The following CALN1 variants were observed in gnomAD, a reference collection of about 807,000 sequenced individuals.
The protein encoded by CALN1 is calcium-binding protein 8.
CALN1 carries 17 observed loss-of-function variants against 30.6 expected under a neutral mutation model. The observed-to-expected ratio is 0.56, with a 90% CI of 0.38 to 0.83. The LOEUF (loss-of-function observed/expected upper bound fraction) is 0.83. Among genes scored for constraint, CALN1 ranks in the 40% least tolerant of loss-of-function variants. The pLI, the probability that CALN1 is intolerant of heterozygous loss-of-function variation, is 0.00. For synonymous variants in CALN1, 156 were observed against 131.4 expected (o/e 1.19, Z -1.28); for missense variants, 291 against 354.9 (o/e 0.82, Z 1.45).
At chr7:72,387,190 AAGG>A (rs1805258369) in intron 2 of CALN1, among the ~76,000 whole-genome samples, 1 of 131,814 alleles carries the variant, frequency 7.6e-6, no homozygotes, top group Non-Finnish European at 1.6e-5. Flanking sequence ...CAAACTAAGG[AAGG>A]GAGGGAGGGA....
chr7:71,921,753 G>T (rs531732361), intron 5 of CALN1, among the ~76,000 whole-genome samples: 9 of 152,308 alleles, frequency 5.9e-5, no homozygotes, highest in Non-Finnish European at 1.2e-4. Flanking sequence ...TCTCTTCCAT[G>T]TCTAGCCTGG....
At chr7:72,103,429 T>C (rs1450438813) in intron 4 of CALN1, 2 of 152,364 alleles carry the variant, frequency 1.3e-5, no homozygotes, top group Non-Finnish European at 2.9e-5. Flanking sequence ...TAGTACTTGC[T>C]TACTGAATTA....
At chr7:72,295,297 T>G (rs1379099403) in intron 2 of CALN1, among the ~76,000 whole-genome samples, 2 of 152,186 alleles carry the variant, frequency 1.3e-5, no homozygotes, top group Non-Finnish European at 2.9e-5. Context: ...ACAATACTTA[T>G]TTTTAAAAAT....
intron 2 of CALN1, among the ~76,000 whole-genome samples, chr7:72,356,190 GA>G (rs1161482948): frequency 2.0e-5 from 3 of 152,104 alleles, no homozygotes; most frequent in Non-Finnish European, 1.5e-5. Flanking sequence ...TTGCTATAGT[GA>G]GCTATTCAGA....
chr7:72,307,246 G>C (rs187710530), intron 2 of CALN1, among the ~76,000 whole-genome samples: 2 of 152,290 alleles, frequency 1.3e-5, no homozygotes, highest in Admixed American at 1.3e-4. Context: ...ATGTAAATTA[G>C]ATTCATTCAA....
At chr7:72,027,840 G>T (rs551644107) in intron 4 of CALN1, among the ~76,000 whole-genome samples, 2 of 151,266 alleles carry the variant, frequency 1.3e-5, no homozygotes, top group Admixed American at 6.6e-5. Context: ...GGCGGATCAC[G>T]AGGTCAGGAG....
At chr7:72,125,906 G>C (rs139597821) in intron 3 of CALN1, among the ~76,000 whole-genome samples, 32 of 149,540 alleles carry the variant, frequency 2.1e-4, no homozygotes, top group African/African-American at 7.6e-4. Context: ...GGGTTCAAGC[G>C]ATTCTCCTCC....
intron 2 of CALN1, among the ~76,000 whole-genome samples, chr7:72,324,865 T>A (rs140670988): frequency 0.025 from 3,858 of 152,078 alleles, 157 homozygotes; most frequent in African/African-American, 0.086. Flanking sequence ...ATTACAGGCA[T>A]GAGCCACTGC....
At chr7:72,047,644 G>C (rs1458566253) in intron 4 of CALN1, among the ~76,000 whole-genome samples, 1 of 152,144 alleles carries the variant, frequency 6.6e-6, no homozygotes, top group African/African-American at 2.4e-5. Flanking sequence ...GAACAAACAA[G>C]AACAATGACA....
chr7:72,211,924 T>C (rs1391466254), intron 3 of CALN1, among the ~76,000 whole-genome samples: 1 of 152,146 alleles, frequency 6.6e-6, no homozygotes, highest in Non-Finnish European at 1.5e-5. Context: ...CTGGCCCACA[T>C]TAAAAGCACA....
chr7:72,426,920 C>T (rs191249327), intron 1 of CALN1, among the ~76,000 whole-genome samples: 378 of 152,326 alleles, frequency 2.5e-3, no homozygotes, highest in Non-Finnish European at 3.8e-3. Context: ...ACCCAAGCCC[C>T]TGTCTTCCCC....
intron 2 of CALN1, among the ~76,000 whole-genome samples, chr7:72,389,677 T>C (rs1191244182): frequency 6.6e-6 from 1 of 152,160 alleles, no homozygotes; most frequent in Non-Finnish European, 1.5e-5. Context: ...CCCAACACTT[T>C]GGGAGGCTGA....
chr7:72,335,451 G>A (rs891918563), intron 2 of CALN1, among the ~76,000 whole-genome samples: 1 of 152,212 alleles, frequency 6.6e-6, no homozygotes, highest in African/African-American at 2.4e-5. Flanking sequence ...CATTCTTTCT[G>A]AGAAGGTCAT....
At chr7:72,404,966 G>A (rs1484190950) in intron 1 of CALN1, among the ~76,000 whole-genome samples, 14 of 152,176 alleles carry the variant, frequency 9.2e-5, no homozygotes, top group Admixed American at 7.9e-4. Context: ...AAACCAACTA[G>A]ATGCTTTGTA....
At chr7:71,857,081 C>A (rs1038279033) in intron 5 of CALN1, among the ~76,000 whole-genome samples, 1 of 148,036 alleles carries the variant, frequency 6.8e-6, no homozygotes, top group Non-Finnish European at 1.5e-5. Context: ...TTTGTCCAGG[C>A]CTAAGTGTAG....
intron 5 of CALN1, among the ~76,000 whole-genome samples, chr7:71,886,729 C>T (rs1157104825): frequency 1.4e-5 from 2 of 147,814 alleles, no homozygotes; most frequent in Non-Finnish European, 3.0e-5. Flanking sequence ...GCAGAGATCG[C>T]ACCACTGCAC....
chr7:72,292,731 G>C (rs984526139), intron 2 of CALN1, among the ~76,000 whole-genome samples: 4 of 146,654 alleles, frequency 2.7e-5, no homozygotes, highest in African/African-American at 5.1e-5. Context: ...TGAGGCAGGA[G>C]AATCACTTGA....
chr7:72,073,728 C>T (rs1359481632), intron 4 of CALN1, among the ~76,000 whole-genome samples: 1 of 147,910 alleles, frequency 6.8e-6, no homozygotes, highest in Non-Finnish European at 1.5e-5. Context: ...GGATCTCATT[C>T]TGTCACCCAG....
chr7:72,473,980 G>T, the CALN1 span, among the ~76,000 whole-genome samples: 4 of 149,260 alleles, frequency 2.7e-5, no homozygotes, highest in South Asian at 8.7e-4. Flanking sequence ...AAGCCAATTC[G>T]AAAAGCATTT....
Sources: allele counts gnomAD v4.1 joint callset (sites outside exome capture counted in the v4.1 genomes callset), GRCh38; gene constraint gnomAD v4.1.1; transcripts MANE v1.5; gene names NCBI Gene and HGNC (gene_info 2026-07-23, HGNC 2026-07-21).